ALK: variants seen among roughly 807,000 people sequenced by gnomAD.
ALK encodes ALK tyrosine kinase receptor.
Under a neutral mutation model 163.1 loss-of-function variants are expected in ALK, and 74 were observed. The ratio of observed to expected loss-of-function variants is 0.45; its 90% CI spans 0.38 to 0.55. The LOEUF is 0.55. Among genes scored for constraint, ALK ranks in the 20% least tolerant of loss-of-function variants. ALK has a pLI of 0.00. For missense variants in ALK, 2,063 were observed against 2,105.3 expected (o/e 0.98, Z 0.39); for synonymous variants, 960 against 843.2 (o/e 1.14, Z -2.40).
At chr2:29,694,368 C>G (rs538385713) in intron 3 of ALK, among the ~76,000 whole-genome samples, 4 of 152,288 alleles carry the variant, frequency 2.6e-5, no homozygotes, top group Middle Eastern at 3.4e-3. Flanking sequence ...TTAGGATTGC[C>G]AGATCTGGCA....
At chr2:29,222,721 T>A (rs944362885) in intron 20 of ALK, 114 bp from the exon 21 acceptor site, 1 of 847,088 alleles carries the variant, frequency 1.2e-6, no homozygotes, top group Non-Finnish European at 1.9e-6. Flanking sequence ...GAGGCGGGGG[T>A]AACATACACA....
At chr2:29,808,045 T>C (rs1664664747) in intron 1 of ALK, among the ~76,000 whole-genome samples, 1 of 152,254 alleles carries the variant, frequency 6.6e-6, no homozygotes, top group Non-Finnish European at 1.5e-5. Context: ...AAGGATCTAA[T>C]CTCATTGTTT....
intron 1 of ALK, among the ~76,000 whole-genome samples, chr2:29,788,508 G>C (rs926985448): frequency 2.6e-5 from 4 of 152,140 alleles, no homozygotes; most frequent in Non-Finnish European, 4.4e-5. Context: ...GTTATATAGG[G>C]ACTTGGGTAT....
At chr2:29,584,982 G>A (rs182194650) in intron 3 of ALK, among the ~76,000 whole-genome samples, 71 of 152,276 alleles carry the variant, frequency 4.7e-4, no homozygotes, top group African/African-American at 1.6e-3. Flanking sequence ...TGCTTCGTGT[G>A]TGCTGCTTAG....
chr2:29,407,432 G>A (rs1314927391), intron 4 of ALK, among the ~76,000 whole-genome samples: 1 of 152,222 alleles, frequency 6.6e-6, no homozygotes, highest in Non-Finnish European at 1.5e-5. Flanking sequence ...TATGAAGTAG[G>A]TTTATTATGA....
At chr2:29,458,823 G>A (rs1201998209) in intron 4 of ALK, among the ~76,000 whole-genome samples, 3 of 152,152 alleles carry the variant, frequency 2.0e-5, no homozygotes, top group Non-Finnish European at 4.4e-5. Flanking sequence ...GTGCTAAACA[G>A]AAGGTACAGC....
chr2:29,444,128 T>G (rs1319318775), intron 4 of ALK, among the ~76,000 whole-genome samples: 4 of 152,238 alleles, frequency 2.6e-5, no homozygotes, highest in Non-Finnish European at 4.4e-5. Context: ...TTATTTAGTC[T>G]GCCAGAACAG....
intron 12 of ALK, among the ~76,000 whole-genome samples, chr2:29,247,231 G>A (rs1262333558): frequency 1.3e-5 from 2 of 152,198 alleles, no homozygotes; most frequent in Non-Finnish European, 2.9e-5. Context: ...TACACCCCAC[G>A]GAGATGCCTG....
At chr2:29,202,133 T>C (rs1669197274) in intron 26 of ALK, among the ~76,000 whole-genome samples, 1 of 152,130 alleles carries the variant, frequency 6.6e-6, no homozygotes, top group Admixed American at 6.5e-5. Context: ...CTTGATTTCA[T>C]TCCTCAGCAA....
intron 3 of ALK, among the ~76,000 whole-genome samples, chr2:29,633,244 A>G (rs930425164): frequency 6.6e-6 from 1 of 152,158 alleles, no homozygotes; most frequent in Non-Finnish European, 1.5e-5. Context: ...AACAGTGATC[A>G]TGTCAAAATA....
chr2:29,687,560 C>A (rs906367644), intron 3 of ALK, among the ~76,000 whole-genome samples: 2 of 151,790 alleles, frequency 1.3e-5, no homozygotes, highest in African/African-American at 4.8e-5. Flanking sequence ...CATGTTTTAT[C>A]TTATTATAAA....
intron 8 of ALK, among the ~76,000 whole-genome samples, chr2:29,302,935 G>T (rs1032457945): frequency 6.6e-6 from 1 of 152,114 alleles, no homozygotes; most frequent in Non-Finnish European, 1.5e-5. Flanking sequence ...AGAAAACCTA[G>T]GAATAACTCT....
At chr2:29,282,775 G>A (rs1245041471) in intron 9 of ALK, among the ~76,000 whole-genome samples, 4 of 152,130 alleles carry the variant, frequency 2.6e-5, no homozygotes, top group Non-Finnish European at 5.9e-5. Context: ...AGCAAGCATG[G>A]AGAATCACTC....
chr2:29,917,409 A>G (rs949674511), intron 1 of ALK, among the ~76,000 whole-genome samples: 1 of 152,254 alleles, frequency 6.6e-6, no homozygotes, highest in Non-Finnish European at 1.5e-5. Flanking sequence ...CTATATAAAA[A>G]TAATAAACCC....
chr2:29,345,487 G>C (rs1269961845), intron 5 of ALK, among the ~76,000 whole-genome samples: 3 of 151,814 alleles, frequency 2.0e-5, no homozygotes, highest in Admixed American at 6.6e-5. Context: ...CAAGGATGTA[G>C]TGAGTTAGGG....
intron 1 of ALK, among the ~76,000 whole-genome samples, chr2:29,855,513 T>G (rs1325762602): frequency 6.6e-6 from 1 of 152,200 alleles, no homozygotes; most frequent in Non-Finnish European, 1.5e-5. Flanking sequence ...CCTTGATTAA[T>G]AGGCCTATAC....
At chr2:29,588,087 T>A (rs541797820) in intron 3 of ALK, among the ~76,000 whole-genome samples, 1 of 152,356 alleles carries the variant, frequency 6.6e-6, no homozygotes, top group African/African-American at 2.4e-5. Context: ...GGATTTTAAG[T>A]AGATTGATCT....
At position 29,347,059 on chromosome 2, in the gene ALK, G is replaced by A. The variant is rs189818570; in HGVS notation, c.1283-18578C>T. On this transcript the variant is annotated intron_variant, in intron 5 of 28. Coordinates refer to ENST00000389048, the MANE Select transcript of ALK (RefSeq NM_004304.5). The stretch of plus-strand genomic sequence containing the variant: ...GATCTTTATTTGCATAGCACTCTCC[G>A]TTTTTTGTAGTTCAAGGTACATGAT... Among the ~76,000 whole-genome samples the A allele has an allele frequency of 4.9e-4, 75 of 152,196 alleles. 1 individual carries two copies. The highest frequency in any genetic ancestry group is 1.6e-3 in the African/African-American group (66 of 41,520).
At chr2:29,897,586 C>T (rs1376134136) in intron 1 of ALK, among the ~76,000 whole-genome samples, 1 of 152,148 alleles carries the variant, frequency 6.6e-6, no homozygotes, top group East Asian at 1.9e-4. Context: ...CTCCCTCCAC[C>T]AGTCAGCAGT....
Sources: gnomAD v4.1 joint callset for allele counts (sites outside exome capture counted in the v4.1 genomes callset) on GRCh38, gnomAD v4.1.1 for gene constraint, MANE v1.5 for transcripts, NCBI Gene and HGNC (gene_info 2026-07-23, HGNC 2026-07-21) for gene names.